FOXP4: variants seen among roughly 807,000 people sequenced by gnomAD.
The protein encoded by FOXP4 is forkhead box protein P4.
A neutral mutation model predicts 82.6 loss-of-function variants in FOXP4; 25 were observed. The observed-to-expected ratio is 0.30, with a 90% CI of 0.22 to 0.42. The LOEUF (loss-of-function observed/expected upper bound fraction) is 0.42, where lower values mean the gene tolerates loss of function less well. FOXP4 is among the 10% of genes least tolerant of loss of function. The probability of loss-of-function intolerance (pLI) is 1.00; values close to 1 mark genes in which losing one functional copy is unlikely to be tolerated. For missense variants in FOXP4, 785 were observed against 900.9 expected, an observed-to-expected ratio of 0.87 and a Z score of 1.65; for synonymous variants, 415 against 388.2, an observed-to-expected ratio of 1.07 and a Z score of -0.81.
At chr6:41,565,676 G>T in intron 1 of FOXP4, 69 bp from the exon 2 acceptor site, 1 of 1,402,640 alleles carries the variant, frequency 7.1e-7, no homozygotes, top group Non-Finnish European at 9.7e-7. Context: ...ATGTTTTTGG[G>T]GGTCAGCAGT....
In FOXP4 at chr6:41,591,031, TA is replaced by T. The variant is rs1294775078; in HGVS notation, c.1435-188del. Among the ~76,000 whole-genome samples the T allele has an allele frequency of 1.3e-5, 2 of 152,216 alleles. No homozygotes were observed. The highest frequency in any genetic ancestry group is 4.8e-5 in the African/African-American group (2 of 41,446). ...GCCCTCTTTATCCTTGGCCAAGCTA[TA>T]ACCAGCCTGTCCCTCTGAGGGGACC... On this transcript the variant is annotated intron_variant, in intron 12 of 16. Transcript: ENST00000307972. This position sits in a 1 kb window ranked among gnomAD's most constrained non-coding sequence, Gnocchi z 4.2.
chr6:41,575,322 G>A (rs1006238652), intron 2 of FOXP4, among the ~76,000 whole-genome samples: 2 of 152,162 alleles, frequency 1.3e-5, no homozygotes. Context: ...GAGCCCTGGG[G>A]GGGCAGAGGC....
intron 15 of FOXP4, among the ~76,000 whole-genome samples, chr6:41,597,476 A>G (rs1397036051): frequency 6.6e-6 from 1 of 152,132 alleles, no homozygotes; most frequent in Non-Finnish European, 1.5e-5. Flanking sequence ...GCATACCTAT[A>G]GCATCCCCTT....
chr6:41,562,060 C>G (rs1764611309), intron 1 of FOXP4, among the ~76,000 whole-genome samples: 1 of 152,228 alleles, frequency 6.6e-6, no homozygotes, highest in Non-Finnish European at 1.5e-5. Context: ...AGCCTGCTCA[C>G]CCACAGTGCA....
chr6:41,564,559 G>A (rs150413127), intron 1 of FOXP4, among the ~76,000 whole-genome samples: 113 of 152,318 alleles, frequency 7.4e-4, no homozygotes, highest in African/African-American at 2.1e-3. Context: ...TTTCTAGGGG[G>A]ATGTTTCAGC....
intron 13 of FOXP4, among the ~76,000 whole-genome samples, chr6:41,592,495 A>G (rs1450062486): frequency 6.6e-6 from 1 of 152,168 alleles, no homozygotes; most frequent in African/African-American, 2.4e-5. Flanking sequence ...GCTTGGGACC[A>G]CCTGGTCCAG....
chr6:41,570,032 G>A lies in FOXP4; in HGVS notation c.204+4068G>A, dbSNP rs72858975. 1,186 of 197,786 alleles carry A rather than the reference G, an allele frequency of 6.0e-3. 5 individuals are homozygous for A. The highest frequency in any genetic ancestry group is 9.2e-3 in the Non-Finnish European group (873 of 94,986). 12.3% of individuals were successfully genotyped at this position (197,786 alleles called of 1,614,324 possible). A position where few individuals can be genotyped will look rare whatever the true frequency, so the allele number is the denominator to read the frequency against. ...CAAGCTACTTAGAGGGATGACAGCAGGGGAAGGGGAGGATTCAGAGGGTGA... is the reference window on the plus strand; with the variant it reads ...CAAGCTACTTAGAGGGATGACAGCAAGGGAAGGGGAGGATTCAGAGGGTGA... On this transcript the variant is annotated intron_variant, in intron 2 of 16. Coordinates refer to ENST00000307972, the MANE Select transcript of FOXP4 (RefSeq NM_001012426.2).
intron 1 of FOXP4, among the ~76,000 whole-genome samples, chr6:41,549,659 C>A (rs1316721951): frequency 6.7e-6 from 1 of 149,532 alleles, no homozygotes; most frequent in African/African-American, 2.5e-5. Flanking sequence ...ACTGGGGTAC[C>A]CAAGCAGTGA....
chr6:41,598,742 G>GCAT, intron 16 of FOXP4, 47 bp from the exon 17 acceptor site: 1 of 1,548,640 alleles, frequency 6.5e-7, no homozygotes. Context: ...GGGGCAGAGG[G>GCAT]CATCAGAGGA....
intron 16 of FOXP4, among the ~76,000 whole-genome samples, chr6:41,598,185 CCCTTTCTTATTTTTCCT>C (rs1766984784): frequency 6.6e-6 from 1 of 151,098 alleles, no homozygotes; most frequent in Non-Finnish European, 1.5e-5. Flanking sequence ...CCCATTTTCC[CCCTTTCTTATTTTTCCT>C]CCTCCTCTCT....
Position 41,566,105 on chromosome 6 carries a change from A to C in FOXP4, c.204+141A>C, listed in dbSNP as rs1007476413. ...TCTTAAGACAGTCCAGCCTCCAAGG[A>C]CTCCCTGTCCACCCACCCATTCTGG... On this transcript the variant is annotated intron_variant, in intron 2 of 16. Transcript: ENST00000307972. 6 of 879,334 alleles carry C rather than the reference A, an allele frequency of 6.8e-6. No individual in the cohort carries two copies. The African/African-American group carries it at 8.4e-5, about 12-fold the overall frequency. The allele number at this position is 879,334 out of a possible 1,614,324, so 54.5% of individuals were successfully genotyped here. A position where few individuals can be genotyped will look rare whatever the true frequency, so the allele number is the denominator to read the frequency against.
chr6:41,552,888 T>G (rs1764078636), intron 1 of FOXP4, among the ~76,000 whole-genome samples: 1 of 152,218 alleles, frequency 6.6e-6, no homozygotes, highest in Non-Finnish European at 1.5e-5. Context: ...AGCCCACTGC[T>G]GCCAACTTCC....
At chr6:41,578,364 G>C (rs537350927) in intron 3 of FOXP4, among the ~76,000 whole-genome samples, 11 of 152,218 alleles carry the variant, frequency 7.2e-5, no homozygotes, top group African/African-American at 2.4e-4. Flanking sequence ...CTCTCTCACT[G>C]TTTGTTCTCC....
rs960892611 is a variant in FOXP4 at position 41,589,757 on chromosome 6, G to T, written c.1066-14G>T. ...CAGCCTCCCGCTCACCTCCTGCTTT[G>T]CCACCCTCCACAGCTCGCCAAGGAG... On this transcript the variant is annotated splice_polypyrimidine_tract_variant and intron_variant, in intron 9 of 16. Transcript: ENST00000307972. 15 of 1,609,396 alleles carry T rather than the reference G, an allele frequency of 9.3e-6. No individual in the cohort carries two copies. Among genetic ancestry groups the T allele is most frequent in the Non-Finnish European group, 1.2e-5 (14 of 1,179,042 alleles).
chr6:41,591,089 AT>A lies in FOXP4; in HGVS notation c.1435-129del. On this transcript the variant is annotated intron_variant, in intron 12 of 16. Coordinates refer to ENST00000307972, the MANE Select transcript of FOXP4 (RefSeq NM_001012426.2). The surrounding 1 kb of genome is among the most constrained non-coding windows in gnomAD (Gnocchi z 4.2). ...CCACCACCCATCTTGTTATCCACAC[AT>A]TTCTGAGCAGGTCTTCTCACAAAGT... 1.4e-6 allele frequency: 1 copy of A among 718,596 alleles called. No individual in the cohort carries two copies. Among genetic ancestry groups the A allele is most frequent in the Non-Finnish European group, 2.4e-6 (1 of 415,292 alleles). The allele number at this position is 718,596 out of a possible 1,614,324, so 44.5% of individuals were successfully genotyped here.
At chr6:41,582,023 T>C (rs1026683108) in intron 3 of FOXP4, among the ~76,000 whole-genome samples, 2 of 152,194 alleles carry the variant, frequency 1.3e-5, no homozygotes, top group African/African-American at 4.8e-5. Context: ...TGAGAATGAG[T>C]GGCCTAGTGC....
chr6:41,567,014 C>T (rs572504437), intron 2 of FOXP4, among the ~76,000 whole-genome samples: 156 of 152,226 alleles, frequency 1.0e-3, no homozygotes, highest in Non-Finnish European at 1.6e-3. Context: ...CCTTAAGGGG[C>T]CTTTTCCCAT....
At chr6:41,571,733 T>TC (rs1312480612) in intron 2 of FOXP4, among the ~76,000 whole-genome samples, 1 of 152,158 alleles carries the variant, frequency 6.6e-6, no homozygotes, top group Non-Finnish European at 1.5e-5. Context: ...TGGTCTCCTC[T>TC]CCCCACCTTC....
rs534832848 is a variant in FOXP4 at position 41,586,086 on chromosome 6, A to C, written c.510+569A>C. Among the ~76,000 whole-genome samples, 43 of 151,700 alleles carry C rather than the reference A, an allele frequency of 2.8e-4. No homozygotes were observed. In the South Asian group the frequency reaches 6.7e-3, roughly 24 times the overall value. On this transcript the variant is annotated intron_variant, in intron 5 of 16. Coordinates refer to ENST00000307972, the MANE Select transcript of FOXP4 (RefSeq NM_001012426.2). ...TCTCCCCTGGGTCCCAGACCTGTGC[A>C]TCTCTCCTGCTGCCCAACCGCAGCC...
Sources: allele counts gnomAD v4.1 joint callset (sites outside exome capture counted in the v4.1 genomes callset), GRCh38; gene constraint gnomAD v4.1.1; non-coding constraint Gnocchi (gnomAD v3.1); transcripts MANE v1.5; gene names NCBI Gene and HGNC (gene_info 2026-07-23, HGNC 2026-07-21).